Variants in DGKI observed in about 807,000 individuals in gnomAD.
The protein encoded by DGKI is diacylglycerol kinase iota, also known as DAG kinase iota.
In DGKI, 55 loss-of-function variants were observed where a neutral mutation model predicts 147.5. The observed-to-expected ratio is 0.37, with a 90% CI of 0.30 to 0.47. DGKI has a LOEUF of 0.47. Among genes scored for constraint, DGKI ranks in the 20% least tolerant of loss-of-function variants. DGKI has a pLI of 1.00. For synonymous variants in DGKI, 469 were observed against 477.1 expected (o/e 0.98, Z 0.22); for missense variants, 1,007 against 1,323.8 (o/e 0.76, Z 3.71).
At chr7:137,556,746 A>T (rs751738107) in intron 19 of DGKI, among the ~76,000 whole-genome samples, 132 of 152,306 alleles carry the variant, frequency 8.7e-4, no homozygotes, top group Non-Finnish European at 1.8e-3. Context: ...AATTTTCCAA[A>T]ATTAATGTAC....
At chr7:137,703,706 GC>G (rs2116523624) in intron 1 of DGKI, among the ~76,000 whole-genome samples, 1 of 152,254 alleles carries the variant, frequency 6.6e-6, no homozygotes, top group South Asian at 2.1e-4. Flanking sequence ...CAACAAACAA[GC>G]AGCAATGACA....
intron 21 of DGKI, among the ~76,000 whole-genome samples, chr7:137,519,969 T>C (rs952903929): frequency 2.0e-4 from 30 of 152,106 alleles, no homozygotes; most frequent in African/African-American, 7.2e-4. Flanking sequence ...AAGACACTGT[T>C]CAATTTATTT....
chr7:137,609,130 G>T (rs1032235168), intron 9 of DGKI, 66 bp from the exon 10 acceptor site: 2 of 1,349,602 alleles, frequency 1.5e-6, no homozygotes, highest in Non-Finnish European at 2.1e-6. Flanking sequence ...CCAAGGCAAG[G>T]GAGGTGGAAA....
intron 1 of DGKI, among the ~76,000 whole-genome samples, chr7:137,824,530 G>A (rs77112246): frequency 0.11 from 4,456 of 41,216 alleles, 345 homozygotes; most frequent in African/African-American, 0.43. Flanking sequence ...AAAAAAAAAA[G>A]AAAAAGAAAA....
chr7:137,591,468 C>G (rs991057081), intron 12 of DGKI, among the ~76,000 whole-genome samples: 2 of 152,140 alleles, frequency 1.3e-5, no homozygotes, highest in African/African-American at 4.8e-5. Flanking sequence ...CGCCCCTCCA[C>G]AGCTCCTGAA....
chr7:137,554,914 CTTTTTTTTTTTTT>C (rs757320303), intron 19 of DGKI, among the ~76,000 whole-genome samples: 1 of 107,428 alleles, frequency 9.3e-6, no homozygotes, highest in East Asian at 2.6e-4. Flanking sequence ...AAACTATTTT[CTTTTTTTTTTTTT>C]TTTTTTTTGA....
At chr7:137,521,779 T>C (rs1816968298) in intron 21 of DGKI, 87 bp downstream of exon 21, 1 of 923,062 alleles carries the variant, frequency 1.1e-6, no homozygotes, top group East Asian at 2.5e-5. Context: ...GGCACAAGGA[T>C]AAATGAATCT....
At chr7:137,735,065 C>T (rs955770142) in intron 1 of DGKI, among the ~76,000 whole-genome samples, 1 of 152,120 alleles carries the variant, frequency 6.6e-6, no homozygotes, top group African/African-American at 2.4e-5. Context: ...ACTGATTTCC[C>T]TGTTTCCACT....
At chr7:137,642,958 G>GTGTGTT (rs1387765960) in intron 6 of DGKI, among the ~76,000 whole-genome samples, 1 of 151,132 alleles carries the variant, frequency 6.6e-6, no homozygotes, top group Non-Finnish European at 1.5e-5. Flanking sequence ...GTGTGTGTGT[G>GTGTGTT]TGTGTGTGTG....
intron 1 of DGKI, among the ~76,000 whole-genome samples, chr7:137,750,036 A>T (rs1298816996): frequency 1.3e-5 from 2 of 152,336 alleles, no homozygotes. Flanking sequence ...CTGCACAGGG[A>T]CACACAACTG....
At chr7:137,508,050 G>A (rs890434343) in intron 21 of DGKI, among the ~76,000 whole-genome samples, 1 of 152,072 alleles carries the variant, frequency 6.6e-6, no homozygotes, top group Non-Finnish European at 1.5e-5. Context: ...GTAGAGTAGG[G>A]TGAGGCTAAG....
At chr7:137,519,545 T>C (rs933186371) in intron 21 of DGKI, among the ~76,000 whole-genome samples, 31 of 152,222 alleles carry the variant, frequency 2.0e-4, no homozygotes, top group African/African-American at 7.2e-4. Flanking sequence ...AGTACATTCC[T>C]AGAGTCCCTT....
At chr7:137,431,707 T>C in intron 28 of DGKI, among the ~76,000 whole-genome samples, 1 of 152,214 alleles carries the variant, frequency 6.6e-6, no homozygotes, top group East Asian at 1.9e-4. Flanking sequence ...CTTAGTGTTC[T>C]CTCCTGGCTC....
chr7:137,783,410 C>T (rs1796578837), intron 1 of DGKI, among the ~76,000 whole-genome samples: 1 of 152,002 alleles, frequency 6.6e-6, no homozygotes, highest in Admixed American at 6.5e-5. Flanking sequence ...TCAAATTAAC[C>T]CAATCTGTCA....
chr7:137,430,463 G>A (rs1370063907), intron 28 of DGKI, among the ~76,000 whole-genome samples: 1 of 151,384 alleles, frequency 6.6e-6, no homozygotes, highest in Admixed American at 6.6e-5. Context: ...TAAATGACGT[G>A]TTAATGGGTG....
intron 1 of DGKI, among the ~76,000 whole-genome samples, chr7:137,762,830 C>G (rs1217597934): frequency 6.6e-6 from 1 of 152,178 alleles, no homozygotes; most frequent in Non-Finnish European, 1.5e-5. Context: ...CTATGGCGTG[C>G]ACATCTCCTG....
chr7:137,731,317 A>G (rs1396817114), intron 1 of DGKI, among the ~76,000 whole-genome samples: 1 of 152,046 alleles, frequency 6.6e-6, no homozygotes, highest in African/African-American at 2.4e-5. Flanking sequence ...CAGATTTATT[A>G]TTTGTCTCCT....
intron 6 of DGKI, among the ~76,000 whole-genome samples, chr7:137,638,550 GTGTGTA>G (rs1821464114): frequency 2.3e-5 from 2 of 85,460 alleles, no homozygotes; most frequent in South Asian, 7.0e-4. Flanking sequence ...GTATATATAT[GTGTGTA>G]TATATATACA....
At chr7:137,630,456 A>C (rs930127319) in intron 6 of DGKI, among the ~76,000 whole-genome samples, 46 of 152,290 alleles carry the variant, frequency 3.0e-4, no homozygotes, top group African/African-American at 9.4e-4. Flanking sequence ...CTGGGGAAAA[A>C]CATCAAAAAT....
Sources: allele counts gnomAD v4.1 joint callset (sites outside exome capture counted in the v4.1 genomes callset), GRCh38; gene constraint gnomAD v4.1.1; transcripts MANE v1.5; gene names NCBI Gene and HGNC (gene_info 2026-07-23, HGNC 2026-07-21).